The following MAGI2 variants were observed in gnomAD, a reference collection of about 807,000 sequenced individuals.
The protein encoded by MAGI2 is membrane-associated guanylate kinase, WW and PDZ domain-containing protein 2.
MAGI2 carries 35 observed loss-of-function variants against 133.3 expected under a neutral mutation model. The observed-to-expected ratio is 0.26, with a 90% confidence interval of 0.20 to 0.35. The LOEUF (loss-of-function observed/expected upper bound fraction) is 0.35. Among genes scored for constraint, MAGI2 ranks in the 10% least tolerant of loss-of-function variants. The pLI is 1.00. For missense variants in MAGI2, 1,636 were observed against 1,863.4 expected, an observed-to-expected ratio of 0.88 and a Z score of 2.25; for synonymous variants, 729 against 710.6, an observed-to-expected ratio of 1.03 and a Z score of -0.41.
At chr7:78,277,215 T>TC in intron 9 of MAGI2, among the ~76,000 whole-genome samples, 1 of 152,316 alleles carries the variant, frequency 6.6e-6, no homozygotes, top group East Asian at 1.9e-4. Context: ...GATCTTAAAG[T>TC]ATAGTAAACT....
intron 2 of MAGI2, among the ~76,000 whole-genome samples, chr7:78,973,070 T>C (rs1047712397): frequency 6.6e-6 from 1 of 151,874 alleles, no homozygotes; most frequent in Admixed American, 6.6e-5. Context: ...ACTGTTGCTC[T>C]TTATAATTCT....
At chr7:78,240,100 G>A (rs56365988) in intron 10 of MAGI2, among the ~76,000 whole-genome samples, 52 of 152,110 alleles carry the variant, frequency 3.4e-4, no homozygotes, top group African/African-American at 1.2e-3. Context: ...CGTCATTTAC[G>A]TTAGGTATTT....
At chr7:79,110,818 T>G (rs1376137110) in intron 1 of MAGI2, among the ~76,000 whole-genome samples, 1 of 151,980 alleles carries the variant, frequency 6.6e-6, no homozygotes, top group Non-Finnish European at 1.5e-5. Context: ...TGGTGGGAGG[T>G]ATTTGGGTCA....
chr7:78,640,192 T>G (rs1385704177), intron 2 of MAGI2, among the ~76,000 whole-genome samples: 1 of 152,090 alleles, frequency 6.6e-6, no homozygotes, highest in Non-Finnish European at 1.5e-5. Context: ...AGTGATACAA[T>G]ATAAAGGAAT....
intron 1 of MAGI2, among the ~76,000 whole-genome samples, chr7:79,176,183 G>T (rs1826075317): frequency 6.6e-6 from 1 of 151,954 alleles, no homozygotes; most frequent in Non-Finnish European, 1.5e-5. Context: ...ACATCATGAT[G>T]CCCACTCGAA....
At chr7:78,222,870 C>T (rs1364495292) in intron 10 of MAGI2, among the ~76,000 whole-genome samples, 1 of 152,010 alleles carries the variant, frequency 6.6e-6, no homozygotes, top group Non-Finnish European at 1.5e-5. Flanking sequence ...AAAAGGAAAA[C>T]CAAATAATTA....
At chr7:79,304,203 C>CTGTGTGTGTG (rs1184824177) in intron 1 of MAGI2, among the ~76,000 whole-genome samples, 78,933 of 135,178 alleles carry the variant, frequency 0.58, 25,044 homozygotes, top group Non-Finnish European at 0.71. Flanking sequence ...GTGTGTGTGT[C>CTGTGTGTGTG]TGTGTGTGTG....
intron 1 of MAGI2, among the ~76,000 whole-genome samples, chr7:79,272,974 AC>A (rs1197599788): frequency 1.3e-5 from 2 of 152,066 alleles, no homozygotes; most frequent in Non-Finnish European, 2.9e-5. Flanking sequence ...CTCTATTCCT[AC>A]AGTAATTTTG....
intron 2 of MAGI2, among the ~76,000 whole-genome samples, chr7:78,720,011 C>T (rs1563405900): frequency 6.6e-6 from 1 of 152,020 alleles, no homozygotes; most frequent in Admixed American, 6.6e-5. Context: ...AACTCATAAT[C>T]TACAAAAATA....
At chr7:79,354,299 C>T (rs1372743006) in intron 1 of MAGI2, 2 of 152,388 alleles carry the variant, frequency 1.3e-5, no homozygotes, top group African/African-American at 4.8e-5. Flanking sequence ...TTTGAGAGCA[C>T]CAACTGGAAC....
intron 6 of MAGI2, among the ~76,000 whole-genome samples, chr7:78,400,567 ATGGTCTG>A (rs1269131639): frequency 6.6e-6 from 1 of 152,198 alleles, no homozygotes; most frequent in East Asian, 1.9e-4. Context: ...AAAAGAAAAA[ATGGTCTG>A]GAGACAATCA....
intron 21 of MAGI2, among the ~76,000 whole-genome samples, chr7:78,028,167 G>T (rs1809147307): frequency 6.6e-6 from 1 of 152,208 alleles, no homozygotes; most frequent in Non-Finnish European, 1.5e-5. Flanking sequence ...GAAAATTGCA[G>T]AACAAATGGT....
chr7:79,138,126 T>C (rs1030064875), intron 1 of MAGI2, among the ~76,000 whole-genome samples: 1 of 152,220 alleles, frequency 6.6e-6, no homozygotes, highest in Non-Finnish European at 1.5e-5. Context: ...CTCTTGATTT[T>C]AGCCCATATG....
chr7:78,741,459 C>T (rs578240918), intron 2 of MAGI2, among the ~76,000 whole-genome samples: 145 of 148,166 alleles, frequency 9.8e-4, no homozygotes, highest in South Asian at 9.5e-3. Context: ...AAAGGCCTTG[C>T]ATACCAGATA....
chr7:79,118,692 A>G (rs1198056007), intron 1 of MAGI2, among the ~76,000 whole-genome samples: 1 of 152,072 alleles, frequency 6.6e-6, no homozygotes, highest in South Asian at 2.1e-4. Flanking sequence ...TCAGAAATCC[A>G]AGGCCTTTTC....
intron 20 of MAGI2, among the ~76,000 whole-genome samples, chr7:78,091,763 G>A (rs1458411660): frequency 1.3e-5 from 2 of 152,186 alleles, no homozygotes; most frequent in South Asian, 4.1e-4. Flanking sequence ...CACAATAGTA[G>A]GATTTTACTT....
chr7:78,024,758 A>G (rs1272427301), intron 21 of MAGI2, among the ~76,000 whole-genome samples: 3 of 152,158 alleles, frequency 2.0e-5, no homozygotes, highest in Non-Finnish European at 4.4e-5. Context: ...AGAAATTTCT[A>G]AAATGAATTT....
At chr7:78,357,795 A>G (rs1449479681) in intron 7 of MAGI2, among the ~76,000 whole-genome samples, 1 of 152,124 alleles carries the variant, frequency 6.6e-6, no homozygotes, top group African/African-American at 2.4e-5. Flanking sequence ...TCTCAAACAC[A>G]GAATGGAATT....
chr7:78,855,262 A>ATTTTAATAT (rs1793533172), intron 2 of MAGI2, among the ~76,000 whole-genome samples: 1 of 151,968 alleles, frequency 6.6e-6, no homozygotes, highest in African/African-American at 2.4e-5. Context: ...AAAATTTTTT[A>ATTTTAATAT]TTTTAATTAT....
Sources: allele counts gnomAD v4.1 joint callset (sites outside exome capture counted in the v4.1 genomes callset), GRCh38; gene constraint gnomAD v4.1.1; transcripts MANE v1.5; gene names NCBI Gene and HGNC (gene_info 2026-07-23, HGNC 2026-07-21).